The following WNT7B variants were observed in gnomAD, a reference collection of about 807,000 sequenced individuals.
WNT7B encodes Wnt family member 7B.
WNT7B carries 19 observed loss-of-function variants against 38.2 expected under a neutral mutation model. That is an observed-to-expected ratio of 0.50 (90% confidence interval 0.35 to 0.73). The LOEUF (loss-of-function observed/expected upper bound fraction) is 0.73. WNT7B is among the 30% of genes least tolerant of loss of function. WNT7B has a pLI of 0.01. For synonymous variants in WNT7B, 243 were observed against 209.3 expected, an observed-to-expected ratio of 1.16 and a Z score of -1.39; for missense variants, 423 against 507.9, an observed-to-expected ratio of 0.83 and a Z score of 1.61.
chr22:45,936,917 G>A (rs1011630812), intron 2 of WNT7B, among the ~76,000 whole-genome samples: 13 of 152,306 alleles, frequency 8.5e-5, no homozygotes, highest in East Asian at 1.9e-4. Context: ...CCTCCCAGCC[G>A]CAGCTGCCAC....
chr22:45,941,415 C>A (rs934791172), intron 2 of WNT7B, among the ~76,000 whole-genome samples: 3 of 144,782 alleles, frequency 2.1e-5, no homozygotes, highest in Non-Finnish European at 4.4e-5. Context: ...GGAAGCTGAG[C>A]CAGCAGAATC....
At chr22:45,936,922 T>G (rs577537650) in intron 2 of WNT7B, among the ~76,000 whole-genome samples, 2 of 152,338 alleles carry the variant, frequency 1.3e-5, no homozygotes, top group African/African-American at 4.8e-5. Context: ...CAGCCGCAGC[T>G]GCCACTCCTC....
At chr22:45,933,503 T>C (rs1040253566) in intron 2 of WNT7B, among the ~76,000 whole-genome samples, 1 of 151,838 alleles carries the variant, frequency 6.6e-6, no homozygotes, top group African/African-American at 2.4e-5. Context: ...CCCCGTTCTG[T>C]CTGCATTCCC....
chr22:45,930,452 G>A (rs28544005), intron 3 of WNT7B, among the ~76,000 whole-genome samples: 2 of 152,236 alleles, frequency 1.3e-5, no homozygotes, highest in East Asian at 1.9e-4. Context: ...CCATCTTGCC[G>A]CCGTGCAGCT....
chr22:45,948,147 C>T (rs1047083290), intron 2 of WNT7B, among the ~76,000 whole-genome samples: 11 of 152,344 alleles, frequency 7.2e-5, no homozygotes, highest in South Asian at 2.1e-4. Context: ...CACAACTCCC[C>T]GGGGGCTCGG....
At chr22:45,942,766 C>T (rs987172510) in intron 2 of WNT7B, among the ~76,000 whole-genome samples, 1 of 152,226 alleles carries the variant, frequency 6.6e-6, no homozygotes, top group Non-Finnish European at 1.5e-5. Context: ...CTGGATGCGT[C>T]TGGGCCGCTT....
At chr22:45,923,904 G>C (rs952154044) in intron 3 of WNT7B, among the ~76,000 whole-genome samples, 2 of 152,180 alleles carry the variant, frequency 1.3e-5, no homozygotes, top group Non-Finnish European at 2.9e-5. Flanking sequence ...GCGAGTACAC[G>C]GATCAGCGAG....
chr22:45,930,983 C>A (rs920949386), intron 3 of WNT7B, 115 bp downstream of exon 3: 10 of 1,395,656 alleles, frequency 7.2e-6, no homozygotes, highest in Non-Finnish European at 6.6e-6. Context: ...CCACCCCCTG[C>A]ACACCTACGG....
rs1181997292 is a variant in WNT7B, at chr22:45,923,060, C to T, written c.846G>A (p.Ala282=). 8.7e-6 allele frequency: 14 copies of T among 1,612,950 alleles called. No homozygotes were observed. The highest frequency in any genetic ancestry group is 1.1e-5 in the South Asian group (1 of 91,074). The stretch of plus-strand genomic sequence containing the variant: ...CCTGCGTGCCCACGCTGCCCGTGGC[C>T]GCGTCCTCCTCGCAGTAGTTGGGCG... The part of the protein sequence containing the change: ...EKSPNYCEED[A]ATGSVGTQGR... Residue 282 remains alanine, a synonymous_variant, in exon 4 of 4, where the codon GCG becomes GCA. Coordinates refer to ENST00000339464, the MANE Select transcript of WNT7B (RefSeq NM_058238.3).
At chr22:45,971,598 G>A (rs935947554) in intron 1 of WNT7B, among the ~76,000 whole-genome samples, 2 of 152,230 alleles carry the variant, frequency 1.3e-5, no homozygotes, top group African/African-American at 2.4e-5. Flanking sequence ...ACTCGGCAGG[G>A]GCAGGGATCA....
chr22:45,950,852 G>A (rs1430323141), intron 1 of WNT7B, among the ~76,000 whole-genome samples: 1 of 152,250 alleles, frequency 6.6e-6, no homozygotes, highest in Non-Finnish European at 1.5e-5. Context: ...GTGACTGGGT[G>A]CACGCAGAGG....
chr22:45,950,315 A>G (rs147865352), intron 1 of WNT7B, among the ~76,000 whole-genome samples, 169 bp from the exon 2 acceptor site: 1 of 152,086 alleles, frequency 6.6e-6, no homozygotes, highest in Admixed American at 6.5e-5. Flanking sequence ...ATCAACTCAC[A>G]TGCGTGACCC....
At chr22:45,954,593 C>A in intron 1 of WNT7B, 1 of 985,298 alleles carries the variant, frequency 1.0e-6, no homozygotes, top group Non-Finnish European at 1.2e-6. Flanking sequence ...GACTAGAGCC[C>A]CCAGCAGCCC....
chr22:45,977,099 G>T lies in WNT7B; in HGVS notation c.-345C>A. 4.7e-6 allele frequency: 4 copies of T among 853,066 alleles called. No individual in the cohort carries two copies. Among genetic ancestry groups the T allele is most frequent in the Non-Finnish European group, 5.6e-6 (4 of 709,150 alleles). The allele number at this position is 853,066 out of a possible 1,614,324, so 52.8% of individuals were successfully genotyped here. A position where few individuals can be genotyped will look rare whatever the true frequency, so the allele number is the denominator to read the frequency against. ...ACTAGGCGCAGCCGCCTGAGGCCGT[G>T]AGCGCCTCGCCGAGCGCCGCGGCGG... On this transcript the variant is annotated 5_prime_UTR_variant, in exon 1 of 4. Transcript: ENST00000339464.
intron 2 of WNT7B, among the ~76,000 whole-genome samples, chr22:45,948,934 C>T (rs578116847): frequency 1.2e-4 from 18 of 151,070 alleles, no homozygotes; most frequent in South Asian, 1.1e-3. Context: ...AACCTCTCTC[C>T]GCCTCCCGGA....
chr22:45,972,186 T>C, intron 1 of WNT7B: 3 of 607,232 alleles, frequency 4.9e-6, no homozygotes, highest in Non-Finnish European at 6.0e-6. Flanking sequence ...AGGAGAAAGA[T>C]CTGCGGGCAA....
Position 45,944,446 on chromosome 22 carries a change from G to A in WNT7B, c.298+5474C>T, listed in dbSNP as rs561844441. On this transcript the variant is annotated intron_variant, in intron 2 of 3. Transcript: ENST00000339464. ...CCCGGCCTCGTCCCACCCTGAGCCAGGAGTGGGCTTGGGCAGCTTCGCCGC... is the reference window on the plus strand; with the variant it reads ...CCCGGCCTCGTCCCACCCTGAGCCAAGAGTGGGCTTGGGCAGCTTCGCCGC... Among the ~76,000 whole-genome samples, 4 of 152,356 alleles carry A rather than the reference G, an allele frequency of 2.6e-5. No homozygotes were observed. The South Asian group carries it at 8.3e-4, about 32-fold the overall frequency.
chr22:45,932,751 T>G (rs1289905614), intron 2 of WNT7B, among the ~76,000 whole-genome samples: 2 of 152,144 alleles, frequency 1.3e-5, no homozygotes, highest in East Asian at 1.9e-4. Context: ...CAAACTCCAG[T>G]GAGTGGGAAC....
intron 1 of WNT7B, among the ~76,000 whole-genome samples, chr22:45,957,699 A>AAAAAAAC (rs1569122255): frequency 2.0e-5 from 3 of 149,822 alleles, no homozygotes; most frequent in Non-Finnish European, 4.5e-5. Context: ...AAAAAAAAAA[A>AAAAAAAC]AAAAAAAAAA....
Sources: gnomAD v4.1 joint callset for allele counts (sites outside exome capture counted in the v4.1 genomes callset) on GRCh38, gnomAD v4.1.1 for gene constraint, MANE v1.5 for transcripts, NCBI Gene and HGNC (gene_info 2026-07-23, HGNC 2026-07-21) for gene names.